CYP4X1: variants seen among roughly 807,000 people sequenced by gnomAD.
CYP4X1 encodes the protein cytochrome P450 4X1.
In CYP4X1, 44 loss-of-function variants were observed where a neutral mutation model predicts 57.9. That is an observed-to-expected ratio of 0.76 (90% CI 0.60 to 0.98). The LOEUF is 0.98. Ranked by LOEUF, CYP4X1 falls within the 50% of genes least tolerant of loss-of-function variation. The pLI is 0.00. For missense variants in CYP4X1, 532 were observed against 623.9 expected (o/e 0.85, Z 1.57); for synonymous variants, 227 against 228.6 (o/e 0.99, Z 0.06).
chr1:47,036,011 T>G lies in CYP4X1; in HGVS notation c.621-6T>G. On this transcript the variant is annotated splice_polypyrimidine_tract_variant and splice_region_variant and intron_variant, in intron 5 of 11. Transcript: ENST00000371901. Reference sequence around the variant, plus strand: ...ATTAACACATTATCCCAACTTTCTCTTCTAGCACCCATGATCCTTATGCAA... The same window carrying G: ...ATTAACACATTATCCCAACTTTCTCGTCTAGCACCCATGATCCTTATGCAA... 6.2e-7 allele frequency: 1 copy of G among 1,611,274 alleles called. No individual in the cohort carries two copies. Among genetic ancestry groups the G allele is most frequent in the Non-Finnish European group, 8.5e-7 (1 of 1,177,994 alleles).
At chr1:47,048,463 G>C (rs1644326072) in intron 9 of CYP4X1, 102 bp from the exon 10 acceptor site, 21 of 1,231,922 alleles carry the variant, frequency 1.7e-5, no homozygotes, top group Middle Eastern at 1.9e-4. Flanking sequence ...GCATTGCCAG[G>C]AGCTAGCTCT....
the CYP4X1 span, among the ~76,000 whole-genome samples, chr1:46,968,607 G>C: frequency 6.6e-6 from 1 of 152,206 alleles, no homozygotes; most frequent in Admixed American, 6.5e-5. Flanking sequence ...CCCCAAGGCA[G>C]CTTTTTCCCT....
At chr1:46,968,078 G>T in the CYP4X1 span, among the ~76,000 whole-genome samples, 1 of 152,162 alleles carries the variant, frequency 6.6e-6, no homozygotes, top group South Asian at 2.1e-4. Context: ...CAGGGACTAG[G>T]ATCCTTAGGA....
chr1:46,993,418 C>T, the CYP4X1 span, among the ~76,000 whole-genome samples: 1 of 152,164 alleles, frequency 6.6e-6, no homozygotes, highest in Non-Finnish European at 1.5e-5. Flanking sequence ...TTTATAGCAG[C>T]ATGATTTATA....
intron 6 of CYP4X1, among the ~76,000 whole-genome samples, chr1:47,037,159 T>A (rs1446431568): frequency 6.6e-6 from 1 of 151,014 alleles, no homozygotes; most frequent in African/African-American, 2.4e-5. Flanking sequence ...CAGAACTTTG[T>A]AAAAAAAAAT....
At chr1:47,028,893 A>AG (rs1171006070) in intron 1 of CYP4X1, among the ~76,000 whole-genome samples, 7 of 152,250 alleles carry the variant, frequency 4.6e-5, no homozygotes, top group African/African-American at 1.7e-4. Context: ...TACTCTGGAT[A>AG]GTCAGTGGGT....
chr1:47,012,994 T>A, the CYP4X1 span, among the ~76,000 whole-genome samples: 2 of 152,186 alleles, frequency 1.3e-5, no homozygotes, highest in Non-Finnish European at 2.9e-5. Context: ...TTTTTCTGTA[T>A]CAGCACATAA....
the CYP4X1 span, among the ~76,000 whole-genome samples, chr1:47,000,439 C>T: frequency 6.6e-6 from 1 of 152,184 alleles, no homozygotes. Context: ...ATGGGATGGA[C>T]TCTCCTCTAT....
the CYP4X1 span, among the ~76,000 whole-genome samples, chr1:46,996,993 C>T: frequency 6.6e-6 from 1 of 152,332 alleles, no homozygotes; most frequent in South Asian, 2.1e-4. Flanking sequence ...GGCAGTTGAT[C>T]CCCGTGGTGG....
the CYP4X1 span, among the ~76,000 whole-genome samples, chr1:46,968,277 T>G: frequency 1.3e-5 from 2 of 152,160 alleles, no homozygotes; most frequent in Non-Finnish European, 2.9e-5. Context: ...GAAATGTCCC[T>G]CCTTGTTGTC....
At chr1:47,042,569 T>A (rs1294753985) in intron 8 of CYP4X1, among the ~76,000 whole-genome samples, 1 of 152,134 alleles carries the variant, frequency 6.6e-6, no homozygotes, top group African/African-American at 2.4e-5. Context: ...CTAAGCAGTA[T>A]ACACTGTACC....
At chr1:47,008,907 C>G in the CYP4X1 span, among the ~76,000 whole-genome samples, 1 of 152,114 alleles carries the variant, frequency 6.6e-6, no homozygotes, top group Admixed American at 6.5e-5. Context: ...ACAGGAGCAC[C>G]CAGATTCATA....
the CYP4X1 span, among the ~76,000 whole-genome samples, chr1:46,986,097 C>A: frequency 1.3e-5 from 2 of 152,026 alleles, no homozygotes; most frequent in Admixed American, 1.3e-4. Flanking sequence ...TTGTTCTAAC[C>A]CAATGCAAGA....
chr1:47,030,241 A>G, intron 2 of CYP4X1, 110 bp downstream of exon 2: 2 of 1,360,286 alleles, frequency 1.5e-6, no homozygotes, highest in Non-Finnish European at 2.0e-6. Flanking sequence ...TAAGAGACAC[A>G]GCAGCAAGTA....
intron 8 of CYP4X1, among the ~76,000 whole-genome samples, chr1:47,044,746 T>TA (rs1332841543): frequency 1.3e-5 from 2 of 152,198 alleles, no homozygotes; most frequent in African/African-American, 2.4e-5. Context: ...CATTTTGAAA[T>TA]ATAACTTTTG....
intron 6 of CYP4X1, among the ~76,000 whole-genome samples, chr1:47,036,443 G>A (rs1266464330): frequency 6.8e-6 from 1 of 146,440 alleles, no homozygotes; most frequent in African/African-American, 2.5e-5. Flanking sequence ...GCACTTAAGA[G>A]TTCCAGACAT....
chr1:47,001,957 A>G, the CYP4X1 span, among the ~76,000 whole-genome samples: 2 of 152,230 alleles, frequency 1.3e-5, no homozygotes, highest in African/African-American at 2.4e-5. Context: ...GGCTAAGGCC[A>G]GGGCCCAGCT....
At chr1:47,044,727 C>T (rs1644282383) in intron 8 of CYP4X1, among the ~76,000 whole-genome samples, 1 of 152,032 alleles carries the variant, frequency 6.6e-6, no homozygotes, top group South Asian at 2.1e-4. Flanking sequence ...GATGTCTTTA[C>T]CTCTGCTTCA....
At chr1:46,965,023 T>C in the CYP4X1 span, among the ~76,000 whole-genome samples, 11 of 152,194 alleles carry the variant, frequency 7.2e-5, no homozygotes, top group Non-Finnish European at 1.2e-4. Flanking sequence ...ACCTTGGGTG[T>C]AGGACCCTCC....
Sources: gnomAD v4.1 joint callset for allele counts (sites outside exome capture counted in the v4.1 genomes callset) on GRCh38, gnomAD v4.1.1 for gene constraint, MANE v1.5 for transcripts, NCBI Gene and HGNC (gene_info 2026-07-23, HGNC 2026-07-21) for gene names.